The following RPS6KA2 variants were observed in gnomAD, a reference collection of about 807,000 sequenced individuals.
The protein encoded by RPS6KA2 is ribosomal protein S6 kinase alpha-2.
A neutral mutation model predicts 91.8 loss-of-function variants in RPS6KA2; 42 were observed. The ratio of observed to expected loss-of-function variants is 0.46; its 90% CI spans 0.36 to 0.59. The LOEUF (loss-of-function observed/expected upper bound fraction) is 0.59. Among genes scored for constraint, RPS6KA2 ranks in the 20% least tolerant of loss-of-function variants. The pLI, the probability that RPS6KA2 is intolerant of heterozygous loss-of-function variation, is 0.00. For missense variants in RPS6KA2, 798 were observed against 978.5 expected, an observed-to-expected ratio of 0.82 and a Z score of 2.46; for synonymous variants, 414 against 393.6, an observed-to-expected ratio of 1.05 and a Z score of -0.61.
intron 2 of RPS6KA2, among the ~76,000 whole-genome samples, chr6:166,827,424 A>G (rs1780078041): frequency 6.6e-6 from 1 of 152,192 alleles, no homozygotes; most frequent in African/African-American, 2.4e-5. Flanking sequence ...AATTATTGCA[A>G]AACAATTATG....
chr6:166,789,492 G>A (rs1779025450), intron 2 of RPS6KA2, among the ~76,000 whole-genome samples: 2 of 152,236 alleles, frequency 1.3e-5, no homozygotes, highest in Non-Finnish European at 2.9e-5. Flanking sequence ...AAATGTCCCT[G>A]TCTGACAGCT....
intron 1 of RPS6KA2, among the ~76,000 whole-genome samples, chr6:166,616,078 G>A (rs1363612286): frequency 6.6e-6 from 1 of 152,174 alleles, no homozygotes; most frequent in Non-Finnish European, 1.5e-5. Context: ...TGTGGGTGCA[G>A]GGACGCAGCC....
chr6:166,554,616 G>T lies in RPS6KA2; in HGVS notation c.100-15832C>A, dbSNP rs75654577. On this transcript the variant is annotated intron_variant, in intron 1 of 20. Transcript: ENST00000265678. This position sits in a 1 kb window ranked among gnomAD's most constrained non-coding sequence, Gnocchi z 4.3. ...GCGGCTGGCACGCGGGTGGCCATGG[G>T]GGGGTGGGGGTCCCACTCCAGCACA... is the stretch of plus-strand genomic sequence containing the variant. Among the ~76,000 whole-genome samples, 1,994 of 152,342 alleles carry T rather than the reference G, an allele frequency of 0.013. 10 individuals carry two copies. Among genetic ancestry groups the T allele is most frequent in the Admixed American group, 0.016 (248 of 15,304 alleles).
rs148154851 is a variant in RPS6KA2 at position 166,508,081 on chromosome 6, CCA to C, written c.459+120_459+121del. 1,150 of 609,988 alleles carry C rather than the reference CCA, an allele frequency of 1.9e-3. No individual in the cohort carries two copies. The highest frequency in any genetic ancestry group is 2.1e-3 in the Non-Finnish European group (704 of 334,134). 37.8% of individuals were successfully genotyped at this position (609,988 alleles called of 1,614,324 possible). The stretch of plus-strand genomic sequence containing the variant: ...CACACACTCACACATGCACACACCC[CCA>C]CACACACACACGCACTCTCGCACGT... On this transcript the variant is annotated intron_variant, in intron 5 of 20. Coordinates refer to ENST00000265678, the MANE Select transcript of RPS6KA2 (RefSeq NM_021135.6). The surrounding 1 kb of genome is among the most constrained non-coding windows in gnomAD (Gnocchi z 4.3).
chr6:166,482,075 C>T (rs1313699668), intron 10 of RPS6KA2, among the ~76,000 whole-genome samples: 3 of 151,796 alleles, frequency 2.0e-5, no homozygotes, highest in Non-Finnish European at 4.4e-5. Context: ...GTACATATAC[C>T]TCTCTGATCA....
At chr6:166,528,745 C>T (rs1783152358) in intron 3 of RPS6KA2, among the ~76,000 whole-genome samples, 1 of 151,860 alleles carries the variant, frequency 6.6e-6, no homozygotes, top group Admixed American at 6.6e-5. Context: ...ACAACCCCAT[C>T]AAAAAGTGGG....
chr6:166,614,161 C>T (rs1306495695), intron 1 of RPS6KA2, among the ~76,000 whole-genome samples: 1 of 152,244 alleles, frequency 6.6e-6, no homozygotes, highest in Non-Finnish European at 1.5e-5. Context: ...TCCTCCTCTG[C>T]CACTCATGGC....
chr6:166,616,522 T>A (rs1021951515), intron 1 of RPS6KA2, among the ~76,000 whole-genome samples: 1 of 152,232 alleles, frequency 6.6e-6, no homozygotes, highest in East Asian at 1.9e-4. Flanking sequence ...ACAGCTCCGG[T>A]AGGTGCATGG....
Position 166,767,774 on chromosome 6 carries a change from AACACACACACACAC to A in RPS6KA2, c.123+90412_123+90425del, listed in dbSNP as rs71639661. Reference sequence around the variant, plus strand: ...AAGAACTAAAGACAATACCTCCTCAAACACACACACACACACACACACACACACACACACACACA... The same window carrying A: ...AAGAACTAAAGACAATACCTCCTCAAACACACACACACACACACACACACA... On this transcript the variant is annotated intron_variant, in intron 2 of 21. Transcript: ENST00000503859. This position sits in a 1 kb window ranked among gnomAD's most constrained non-coding sequence, Gnocchi z 4.6. 5.4e-3 allele frequency among the ~76,000 whole-genome samples: 797 copies of A among 146,940 alleles called. 7 individuals are homozygous for A. The highest frequency in any genetic ancestry group is 0.015 in the African/African-American group (617 of 39,886).
At chr6:166,776,104 C>A (rs1035085243) in intron 2 of RPS6KA2, among the ~76,000 whole-genome samples, 1 of 152,164 alleles carries the variant, frequency 6.6e-6, no homozygotes, top group Non-Finnish European at 1.5e-5. Flanking sequence ...CTCTACCATC[C>A]GGCTCTGGGG....
chr6:166,537,074 C>T (rs1347021910), intron 2 of RPS6KA2, among the ~76,000 whole-genome samples: 1 of 152,260 alleles, frequency 6.6e-6, no homozygotes, highest in Non-Finnish European at 1.5e-5. Flanking sequence ...AAGATTCACT[C>T]TGTAACAGAA....
intron 1 of RPS6KA2, among the ~76,000 whole-genome samples, chr6:166,622,845 T>C (rs1583337453): frequency 1.3e-5 from 2 of 152,368 alleles, no homozygotes; most frequent in Admixed American, 6.5e-5. Flanking sequence ...ACAGCACTTA[T>C]ACCCTGATAG....
chr6:166,748,369 T>C (rs1248514212), intron 2 of RPS6KA2, among the ~76,000 whole-genome samples: 3 of 152,074 alleles, frequency 2.0e-5, no homozygotes, highest in Non-Finnish European at 2.9e-5. Flanking sequence ...TTCTGCGGTG[T>C]CTTCCACCGG....
At chr6:166,647,818 TCA>T (rs5881703) in intron 2 of RPS6KA2, among the ~76,000 whole-genome samples, 2,117 of 91,714 alleles carry the variant, frequency 0.023, 61 homozygotes, top group African/African-American at 0.077. Context: ...ACACACATGC[TCA>T]CACACATGCA....
intron 5 of RPS6KA2, among the ~76,000 whole-genome samples, chr6:166,507,013 A>G (rs555376027): frequency 1.4e-4 from 21 of 152,128 alleles, no homozygotes; most frequent in African/African-American, 4.6e-4. Flanking sequence ...GAGGGTTCCT[A>G]CCTAAGGCAC....
At chr6:166,454,584 G>A (rs6912899) in intron 12 of RPS6KA2, among the ~76,000 whole-genome samples, 22,886 of 152,130 alleles carry the variant, frequency 0.15, 2,556 homozygotes, top group East Asian at 0.3. Flanking sequence ...TCAGTGATAT[G>A]TGTTACAGAA....
At chr6:166,716,047 A>AT (rs1790002154) in intron 2 of RPS6KA2, among the ~76,000 whole-genome samples, 1 of 85,102 alleles carries the variant, frequency 1.2e-5, no homozygotes, top group Admixed American at 1.4e-4. Flanking sequence ...AAAAAAAAAA[A>AT]AAAAAAAAAA....
At position 166,426,364 on chromosome 6, in the gene RPS6KA2, T is replaced by C. The variant is rs1309211584; in HGVS notation, c.1582-2947A>G. Among the ~76,000 whole-genome samples the C allele has an allele frequency of 4.7e-5, 6 of 128,648 alleles. No homozygotes were observed. In the East Asian group the frequency reaches 6.6e-4, roughly 14 times the overall value. 84.4% of individuals were successfully genotyped at this position (128,648 alleles called of 152,430 possible). A position where few individuals can be genotyped will look rare whatever the true frequency, so the allele number is the denominator to read the frequency against. On this transcript the variant is annotated intron_variant, in intron 16 of 20. Transcript: ENST00000265678. ...AAGAGAAAGGAGGAAAGATCCAAAA[T>C]TGACACTCTAACATCACAATTAAAA...
chr6:166,750,153 T>C (rs1252065319), intron 2 of RPS6KA2, among the ~76,000 whole-genome samples: 1 of 152,178 alleles, frequency 6.6e-6, no homozygotes, highest in Admixed American at 6.5e-5. Flanking sequence ...TGTGCTACTG[T>C]GAAGGGCGGT....
Sources: allele counts gnomAD v4.1 joint callset (sites outside exome capture counted in the v4.1 genomes callset), GRCh38; gene constraint gnomAD v4.1.1; non-coding constraint Gnocchi (gnomAD v3.1); transcripts MANE v1.5; gene names NCBI Gene and HGNC (gene_info 2026-07-23, HGNC 2026-07-21).